The following ATXN3 variants were observed in gnomAD, a reference collection of about 807,000 sequenced individuals.
The protein encoded by ATXN3 is ataxin 3, also known as ataxin-3.
A neutral mutation model predicts 58.2 loss-of-function variants in ATXN3; 28 were observed. The ratio of observed to expected loss-of-function variants is 0.48; its 90% confidence interval spans 0.36 to 0.66. ATXN3 has a LOEUF of 0.66. ATXN3 is among the 30% of genes least tolerant of loss of function. The pLI, the probability that ATXN3 is intolerant of heterozygous loss-of-function variation, is 0.00. For missense variants in ATXN3, 321 were observed against 422.1 expected (o/e 0.76, Z 2.10); for synonymous variants, 113 against 138.5 (o/e 0.82, Z 1.29).
chr14:92,088,363 C>T (rs1188993928), intron 6 of ATXN3, among the ~76,000 whole-genome samples: 1 of 152,170 alleles, frequency 6.6e-6, no homozygotes, highest in Non-Finnish European at 1.5e-5. Flanking sequence ...AGCCACCGTG[C>T]CCAGCCGTTA....
At chr14:92,078,647 G>A (rs1264535366) in intron 9 of ATXN3, among the ~76,000 whole-genome samples, 5 of 152,142 alleles carry the variant, frequency 3.3e-5, no homozygotes, top group South Asian at 4.1e-4. Flanking sequence ...ACAGGTGTGA[G>A]CCACCGCGCC....
At chr14:92,067,324 C>G (rs917885186) in intron 10 of ATXN3, among the ~76,000 whole-genome samples, 1 of 152,172 alleles carries the variant, frequency 6.6e-6, no homozygotes, top group African/African-American at 2.4e-5. Flanking sequence ...TGACTTTTGC[C>G]AAATTTGGGA....
chr14:92,092,737 T>C (rs1031471174), intron 5 of ATXN3, among the ~76,000 whole-genome samples: 6 of 152,168 alleles, frequency 3.9e-5, no homozygotes, highest in Middle Eastern at 3.4e-3. Flanking sequence ...ACTGATATTA[T>C]CTTTTAAAAT....
intron 10 of ATXN3, among the ~76,000 whole-genome samples, chr14:92,068,473 A>C (rs1238696240): frequency 6.6e-6 from 1 of 152,138 alleles, no homozygotes; most frequent in African/African-American, 2.4e-5. Context: ...CTCCAGCACC[A>C]AGTCCAGGAT....
At chr14:92,085,199 AT>A (rs1311838253) in intron 6 of ATXN3, among the ~76,000 whole-genome samples, 1 of 147,270 alleles carries the variant, frequency 6.8e-6, no homozygotes, top group Admixed American at 6.8e-5. Flanking sequence ...TTTTTTTTTA[AT>A]TTTTTTTTGA....
At chr14:92,076,939 C>CAAAAAAAAAAAAAAAAAAAAAAA (rs1157708694) in intron 9 of ATXN3, among the ~76,000 whole-genome samples, 1 of 59,832 alleles carries the variant, frequency 1.7e-5, no homozygotes. Context: ...GATTTCGTCT[C>CAAAAAAAAAAAAAAAAAAAAAAA]AAAAAAAAAA....
At chr14:92,047,141 A>G (rs1428326257) in intron 2 of ATXN3, among the ~76,000 whole-genome samples, 2 of 152,202 alleles carry the variant, frequency 1.3e-5, no homozygotes, top group African/African-American at 4.8e-5. Context: ...AGTCCAGGTA[A>G]AAGCAAAAGA....
At chr14:92,052,903 T>G, upstream of ATXN3, among the ~76,000 whole-genome samples, 1 of 152,196 alleles carries the variant, frequency 6.6e-6, no homozygotes, top group South Asian at 2.1e-4. Context: ...TCTTTTCCTA[T>G]TTCCACTTTC....
At chr14:92,094,200 A>G (rs1436353923) in intron 3 of ATXN3, among the ~76,000 whole-genome samples, 1 of 152,080 alleles carries the variant, frequency 6.6e-6, no homozygotes, top group Admixed American at 6.6e-5. Flanking sequence ...TGGGCCTCCC[A>G]AAGTACTGGG....
At position 92,064,251 on chromosome 14, in the gene ATXN3, G is replaced by T; in HGVS notation, c.*69C>A. 8.8e-7 allele frequency: 1 copy of T among 1,132,538 alleles called. No individual in the cohort carries two copies. Among genetic ancestry groups the T allele is most frequent in the South Asian group, 1.4e-5 (1 of 71,188 alleles). The allele number at this position is 1,132,538 out of a possible 1,614,324, so 70.2% of individuals were successfully genotyped here. A position where few individuals can be genotyped will look rare whatever the true frequency, so the allele number is the denominator to read the frequency against. On this transcript the variant is annotated 3_prime_UTR_variant, in exon 11 of 11. Coordinates refer to ENST00000644486, the MANE Select transcript of ATXN3 (RefSeq NM_004993.6). ...CATCTCTTTGACACATTACCAAAGTGGACCCTATGCTGTAATCACACAGGA... is the reference window on the plus strand; with the variant it reads ...CATCTCTTTGACACATTACCAAAGTTGACCCTATGCTGTAATCACACAGGA...
At chr14:92,088,350 G>A (rs1024798653) in intron 6 of ATXN3, among the ~76,000 whole-genome samples, 3 of 152,156 alleles carry the variant, frequency 2.0e-5, no homozygotes, top group Admixed American at 1.3e-4. Context: ...GATTACAGGC[G>A]TGAGCCACCG....
chr14:92,084,537 TAAA>T (rs2062021517), intron 6 of ATXN3, among the ~76,000 whole-genome samples: 1 of 151,916 alleles, frequency 6.6e-6, no homozygotes, highest in Admixed American at 6.6e-5. Context: ...GGGCTATACC[TAAA>T]ACAATCTAAC....
chr14:92,072,361 G>A (rs1454702637), intron 9 of ATXN3, among the ~76,000 whole-genome samples: 1 of 152,132 alleles, frequency 6.6e-6, no homozygotes, highest in Non-Finnish European at 1.5e-5. Context: ...CTGCTTTTAT[G>A]TAAATCTGAA....
chr14:92,102,078 A>G (rs2066947567), intron 1 of ATXN3, among the ~76,000 whole-genome samples: 1 of 151,984 alleles, frequency 6.6e-6, no homozygotes, highest in African/African-American at 2.4e-5. Flanking sequence ...TCTTGAACTC[A>G]GGAGACGGAG....
chr14:92,093,599 C>G (rs2141060580), intron 4 of ATXN3, 147 bp downstream of exon 4: 1 of 717,366 alleles, frequency 1.4e-6, no homozygotes, highest in Middle Eastern at 4.0e-4. Context: ...ATGGACATCA[C>G]AAAGGTGAAA....
intron 1 of ATXN3, among the ~76,000 whole-genome samples, chr14:92,049,439 T>G (rs766557786): frequency 1.6e-4 from 24 of 152,186 alleles, no homozygotes; most frequent in Non-Finnish European, 3.1e-4. Context: ...ACTGTCTTCT[T>G]GAGTCCGTGA....
At chr14:92,052,269 C>T (rs1595426226), upstream of ATXN3, among the ~76,000 whole-genome samples, 3 of 151,726 alleles carry the variant, frequency 2.0e-5, no homozygotes, top group East Asian at 2.0e-4. Flanking sequence ...CTGAGGCGGG[C>T]GGATCACCTG....
intron 7 of ATXN3, 108 bp downstream of exon 7, chr14:92,083,018 A>T: frequency 7.4e-7 from 1 of 1,354,928 alleles, no homozygotes; most frequent in Non-Finnish European, 1.0e-6. Context: ...TAAGGTCCAA[A>T]ATAGAGTCGC....
chr14:92,083,554 C>T, intron 6 of ATXN3: 1 of 484,170 alleles, frequency 2.1e-6, no homozygotes, highest in Non-Finnish European at 3.9e-6. Flanking sequence ...TAGTACTTGA[C>T]TGAGCAGGCT....
Sources: allele counts gnomAD v4.1 joint callset (sites outside exome capture counted in the v4.1 genomes callset), GRCh38; gene constraint gnomAD v4.1.1; transcripts MANE v1.5; gene names NCBI Gene and HGNC (gene_info 2026-07-23, HGNC 2026-07-21).